Variants in THSD4 observed in about 807,000 individuals in gnomAD.
The protein encoded by THSD4 is thrombospondin type-1 domain-containing protein 4.
In THSD4, 69 loss-of-function variants were observed where a neutral mutation model predicts 119.0. That is an observed-to-expected ratio of 0.58 (90% CI 0.48 to 0.71). The LOEUF (loss-of-function observed/expected upper bound fraction) is 0.71. Ranked by LOEUF, THSD4 falls within the 30% of genes least tolerant of loss-of-function variation. The probability of loss-of-function intolerance (pLI) is 0.00; values close to 1 mark genes in which losing one functional copy is unlikely to be tolerated. For synonymous variants in THSD4, 524 were observed against 540.4 expected (o/e 0.97, Z 0.42); for missense variants, 1,393 against 1,391.1 (o/e 1.00, Z -0.02).
intron 3 of THSD4, among the ~76,000 whole-genome samples, chr15:71,203,794 C>T (rs1328039889): frequency 6.6e-6 from 1 of 152,154 alleles, no homozygotes; most frequent in African/African-American, 2.4e-5. Flanking sequence ...TGAACACTTG[C>T]TGCGTGCTGT....
chr15:71,492,256 A>C (rs549072987), intron 7 of THSD4, among the ~76,000 whole-genome samples: 2 of 151,336 alleles, frequency 1.3e-5, no homozygotes, highest in African/African-American at 4.8e-5. Flanking sequence ...GGTTTTGTTT[A>C]TTTTATTTAT....
At chr15:71,689,976 A>G (rs2052012198) in intron 8 of THSD4, among the ~76,000 whole-genome samples, 1 of 152,192 alleles carries the variant, frequency 6.6e-6, no homozygotes, top group Admixed American at 6.5e-5. Context: ...ATATTTAACC[A>G]AAATATGCCG....
At chr15:71,703,560 C>A (rs2052333816) in intron 8 of THSD4, among the ~76,000 whole-genome samples, 1 of 152,194 alleles carries the variant, frequency 6.6e-6, no homozygotes, top group South Asian at 2.1e-4. Context: ...AGAGAGGGGA[C>A]AGGGTCTTAC....
At chr15:71,514,141 T>A (rs950863954) in intron 7 of THSD4, among the ~76,000 whole-genome samples, 1 of 152,118 alleles carries the variant, frequency 6.6e-6, no homozygotes, top group Admixed American at 6.5e-5. Flanking sequence ...TACATCACAC[T>A]CTCTCAGCAT....
At chr15:71,319,516 G>A (rs532359357) in intron 6 of THSD4, among the ~76,000 whole-genome samples, 1 of 151,332 alleles carries the variant, frequency 6.6e-6, no homozygotes, top group Non-Finnish European at 1.5e-5. Flanking sequence ...TTCTGTCCTT[G>A]TGATAGTTTG....
At chr15:71,747,118 C>CCTGA in intron 13 of THSD4, 76 bp downstream of exon 13, 1 of 1,486,744 alleles carries the variant, frequency 6.7e-7, no homozygotes, top group Non-Finnish European at 9.0e-7. Flanking sequence ...CCCACCAAGA[C>CCTGA]CTGAGATGGG....
At chr15:71,671,944 C>T (rs944500848) in intron 8 of THSD4, among the ~76,000 whole-genome samples, 1 of 152,126 alleles carries the variant, frequency 6.6e-6, no homozygotes, top group Non-Finnish European at 1.5e-5. Flanking sequence ...GTTCTTTTGG[C>T]TTAGGATTGT....
At chr15:71,368,110 C>T (rs561157431) in intron 6 of THSD4, among the ~76,000 whole-genome samples, 290 of 152,110 alleles carry the variant, frequency 1.9e-3, no homozygotes, top group African/African-American at 4.8e-3. Context: ...TCATATCCTT[C>T]GCCCACTTTT....
chr15:71,168,717 C>T (rs1329175067), intron 3 of THSD4, among the ~76,000 whole-genome samples: 1 of 152,132 alleles, frequency 6.6e-6, no homozygotes, highest in Non-Finnish European at 1.5e-5. Flanking sequence ...GGATGTGCAA[C>T]CAGTGACTTC....
At chr15:71,102,652 C>G (rs1219057513) in intron 1 of THSD4, among the ~76,000 whole-genome samples, 1 of 152,106 alleles carries the variant, frequency 6.6e-6, no homozygotes, top group East Asian at 1.9e-4. Flanking sequence ...GCAACCTCCA[C>G]CTCCCGGATT....
At chr15:71,677,738 G>A (rs1281180577) in intron 8 of THSD4, among the ~76,000 whole-genome samples, 1 of 152,214 alleles carries the variant, frequency 6.6e-6, no homozygotes, top group Non-Finnish European at 1.5e-5. Flanking sequence ...ATGTGAGACT[G>A]AGTTTTCCTG....
intron 7 of THSD4, among the ~76,000 whole-genome samples, chr15:71,598,788 T>G (rs2140888140): frequency 6.6e-6 from 1 of 152,202 alleles, no homozygotes; most frequent in South Asian, 2.1e-4. Context: ...CAGCTAATTT[T>G]TGTATTTTTT....
intron 14 of THSD4, among the ~76,000 whole-genome samples, chr15:71,757,357 G>A (rs1431103209): frequency 6.6e-6 from 1 of 151,908 alleles, no homozygotes; most frequent in Non-Finnish European, 1.5e-5. Context: ...ACCCAGACTT[G>A]GCTACTAGCA....
At chr15:71,564,671 TATAAC>T (rs1317689150) in intron 7 of THSD4, among the ~76,000 whole-genome samples, 2 of 18,588 alleles carry the variant, frequency 1.1e-4, no homozygotes, top group Non-Finnish European at 2.5e-4. Flanking sequence ...TATAGTATAT[TATAAC>T]ATATAATACA....
intron 7 of THSD4, among the ~76,000 whole-genome samples, chr15:71,635,986 T>C (rs2050731434): frequency 1.3e-5 from 2 of 152,362 alleles, no homozygotes; most frequent in South Asian, 4.1e-4. Flanking sequence ...GAAGTCTGTC[T>C]GCCATGAAGT....
intron 3 of THSD4, among the ~76,000 whole-genome samples, chr15:71,203,415 G>A (rs112716663): frequency 0.011 from 1,641 of 152,226 alleles, 17 homozygotes; most frequent in Non-Finnish European, 0.016. Context: ...AGCACTTTGG[G>A]AGGCCAAGGT....
intron 8 of THSD4, among the ~76,000 whole-genome samples, chr15:71,670,467 TTTTG>T (rs1175094282): frequency 6.7e-6 from 1 of 149,912 alleles, no homozygotes; most frequent in East Asian, 2.1e-4. Flanking sequence ...CATTTTCTTT[TTTTG>T]TTTGTTTTTT....
chr15:71,431,934 G>A (rs904187798), intron 7 of THSD4, among the ~76,000 whole-genome samples: 10 of 152,062 alleles, frequency 6.6e-5, no homozygotes, highest in Non-Finnish European at 1.5e-4. Flanking sequence ...AAATCAGGAG[G>A]CATTCACAGA....
At chr15:71,496,765 T>G (rs866399995) in intron 7 of THSD4, among the ~76,000 whole-genome samples, 9 of 152,048 alleles carry the variant, frequency 5.9e-5, no homozygotes, top group South Asian at 2.1e-4. Flanking sequence ...GGAGAATGAG[T>G]CTGAGGAAGT....
Sources: gnomAD v4.1 joint callset for allele counts (sites outside exome capture counted in the v4.1 genomes callset) on GRCh38, gnomAD v4.1.1 for gene constraint, MANE v1.5 for transcripts, NCBI Gene and HGNC (gene_info 2026-07-23, HGNC 2026-07-21) for gene names.